The following EVL variants were observed in gnomAD, a reference collection of about 807,000 sequenced individuals.
EVL encodes the protein Enah/Vasp-like, also known as ena/VASP-like protein.
EVL carries 21 observed loss-of-function variants against 59.6 expected under a neutral mutation model. The ratio of observed to expected loss-of-function variants is 0.35; its 90% CI spans 0.25 to 0.51. The LOEUF (loss-of-function observed/expected upper bound fraction) is 0.51. EVL is among the 20% of genes least tolerant of loss of function. The pLI is 0.97. For missense variants in EVL, 462 were observed against 546.6 expected, an observed-to-expected ratio of 0.85 and a Z score of 1.54; for synonymous variants, 198 against 203.5, an observed-to-expected ratio of 0.97 and a Z score of 0.23.
chr14:100,053,894 G>T (rs1407327378), intron 1 of EVL, among the ~76,000 whole-genome samples: 3 of 151,898 alleles, frequency 2.0e-5, no homozygotes, highest in African/African-American at 7.3e-5. Context: ...AAGCAATCCT[G>T]CCTCAGCCTC....
At chr14:100,031,709 T>G (rs913903158) in intron 1 of EVL, among the ~76,000 whole-genome samples, 1 of 152,200 alleles carries the variant, frequency 6.6e-6, no homozygotes, top group Non-Finnish European at 1.5e-5. Context: ...AGTCAGCCAG[T>G]TCAGATCCTT....
At chr14:100,020,499 G>A (rs548600944) in intron 1 of EVL, among the ~76,000 whole-genome samples, 1 of 151,924 alleles carries the variant, frequency 6.6e-6, no homozygotes, top group South Asian at 2.1e-4. Context: ...ACACACTTCC[G>A]ACTTCTGAAA....
Position 100,108,283 on chromosome 14 carries a change from G to A in EVL, c.358+10625G>A, listed in dbSNP as rs1886708890. ...GTTAAACCTCATAGCTCTTGGAGGT[G>A]GGGCTGAATTTTGCTTCTTGTAAAC... is the stretch of plus-strand genomic sequence containing the variant. On this transcript the variant is annotated intron_variant, in intron 3 of 13. Transcript: ENST00000392920. This position sits in a 1 kb window ranked among gnomAD's most constrained non-coding sequence, Gnocchi z 4.1. 6.6e-6 allele frequency among the ~76,000 whole-genome samples: 1 copy of A among 152,098 alleles called. No individual in the cohort carries two copies. Among genetic ancestry groups the A allele is most frequent in the Non-Finnish European group, 1.5e-5 (1 of 68,004 alleles).
At chr14:99,984,313 G>A (rs1057122174) in intron 1 of EVL, among the ~76,000 whole-genome samples, 1 of 152,108 alleles carries the variant, frequency 6.6e-6, no homozygotes, top group African/African-American at 2.4e-5. Context: ...TTGTAAGGAC[G>A]TTATCCACTG....
intron 1 of EVL, chr14:100,074,536 T>G (rs2062119588): frequency 6.6e-6 from 1 of 152,510 alleles, no homozygotes; most frequent in Non-Finnish European, 1.5e-5. Context: ...GTCTTGTTGC[T>G]GGCAAACAAT....
chr14:100,042,429 A>G (rs1236428989), intron 1 of EVL, among the ~76,000 whole-genome samples: 1 of 152,180 alleles, frequency 6.6e-6, no homozygotes, highest in Admixed American at 6.5e-5. Context: ...TCTGTATTAG[A>G]TTTGCATTGA....
intron 1 of EVL, among the ~76,000 whole-genome samples, chr14:99,983,785 T>C (rs1156437901): frequency 6.6e-6 from 1 of 152,210 alleles, no homozygotes; most frequent in Admixed American, 6.5e-5. Flanking sequence ...AGCCTTCAAA[T>C]CTTATTTGAA....
chr14:100,012,690 C>G (rs1275899488), intron 1 of EVL, among the ~76,000 whole-genome samples: 1 of 152,068 alleles, frequency 6.6e-6, no homozygotes, highest in Non-Finnish European at 1.5e-5. Context: ...GAGGCAAGGG[C>G]CCCCCTTTCA....
At chr14:99,974,786 C>T (rs993501466) in intron 1 of EVL, 3 of 152,324 alleles carry the variant, frequency 2.0e-5, no homozygotes, top group South Asian at 2.1e-4. Context: ...ACACCCAGAC[C>T]GACATGGATA....
intron 11 of EVL, chr14:100,138,050 G>C (rs962569110): frequency 6.8e-6 from 4 of 584,602 alleles, no homozygotes; most frequent in African/African-American, 3.7e-5. Context: ...GTGCAGGGGG[G>C]GGCCAACATG....
At chr14:100,076,260 G>A (rs1040374609) in intron 1 of EVL, among the ~76,000 whole-genome samples, 1 of 152,192 alleles carries the variant, frequency 6.6e-6, no homozygotes, top group Non-Finnish European at 1.5e-5. Context: ...GTCCTTCCTC[G>A]CTGAAATGTG....
At chr14:100,085,848 C>T (rs1487173371) in intron 2 of EVL, among the ~76,000 whole-genome samples, 1 of 152,220 alleles carries the variant, frequency 6.6e-6, no homozygotes, top group Non-Finnish European at 1.5e-5. Context: ...GTCTTTCTGG[C>T]TGGGCACGGT....
intron 3 of EVL, among the ~76,000 whole-genome samples, chr14:100,118,638 C>T (rs1367525286): frequency 6.6e-6 from 1 of 152,168 alleles, no homozygotes; most frequent in Non-Finnish European, 1.5e-5. Context: ...CCTCCTGGCC[C>T]CACTCCCCAT....
chr14:100,017,143 A>G (rs186817866), intron 1 of EVL, among the ~76,000 whole-genome samples: 48 of 152,334 alleles, frequency 3.2e-4, no homozygotes, highest in African/African-American at 1.1e-3. Flanking sequence ...TCTGTCTTCT[A>G]TTAGTAAGTT....
At chr14:99,977,443 G>C (rs1176102625) in intron 1 of EVL, 7 of 151,428 alleles carry the variant, frequency 4.6e-5, no homozygotes, top group African/African-American at 1.7e-4. Flanking sequence ...CTGTTGCCTG[G>C]GCTGGAGCAC....
At chr14:100,000,209 C>T (rs1390282666) in intron 1 of EVL, among the ~76,000 whole-genome samples, 1 of 152,174 alleles carries the variant, frequency 6.6e-6, no homozygotes, top group Admixed American at 6.5e-5. Flanking sequence ...TGGTTTTATA[C>T]ATTTTAGGGA....
intron 3 of EVL, among the ~76,000 whole-genome samples, chr14:100,110,395 C>G (rs1263667444): frequency 1.3e-5 from 2 of 151,750 alleles, no homozygotes; most frequent in East Asian, 3.9e-4. Flanking sequence ...AAAAAGGTAA[C>G]TAACAATATC....
intron 1 of EVL, among the ~76,000 whole-genome samples, chr14:100,000,827 T>A (rs1221730984): frequency 1.3e-5 from 2 of 152,168 alleles, no homozygotes; most frequent in African/African-American, 4.8e-5. Flanking sequence ...ATTTACCCCC[T>A]TTTCTTTTTA....
chr14:100,097,362 A>G (rs930002044), intron 2 of EVL, 119 bp from the exon 3 acceptor site: 5 of 877,212 alleles, frequency 5.7e-6, no homozygotes, highest in Middle Eastern at 3.1e-4. Flanking sequence ...CCCTTCTTCA[A>G]ACCCCATCCC....
Sources: allele counts gnomAD v4.1 joint callset (sites outside exome capture counted in the v4.1 genomes callset), GRCh38; gene constraint gnomAD v4.1.1; non-coding constraint Gnocchi (gnomAD v3.1); transcripts MANE v1.5; gene names NCBI Gene and HGNC (gene_info 2026-07-23, HGNC 2026-07-21).